Variants in PTGS1 observed in about 807,000 individuals in gnomAD.
PTGS1 encodes prostaglandin G/H synthase 1.
Under a neutral mutation model 63.0 loss-of-function variants are expected in PTGS1, and 40 were observed. The observed-to-expected ratio is 0.63, with a 90% CI of 0.49 to 0.83. The LOEUF (loss-of-function observed/expected upper bound fraction) is 0.83, where lower values mean the gene tolerates loss of function less well. Ranked by LOEUF, PTGS1 falls within the 40% of genes least tolerant of loss-of-function variation. The probability of loss-of-function intolerance (pLI) is 0.00; values close to 1 mark genes in which losing one functional copy is unlikely to be tolerated. For missense variants in PTGS1, 709 were observed against 786.5 expected (o/e 0.90, Z 1.18); for synonymous variants, 298 against 301.9 (o/e 0.99, Z 0.13).
At chr9:122,372,881 G>C (rs7045826) in intron 2 of PTGS1, 1 of 152,166 alleles carries the variant, frequency 6.6e-6, no homozygotes, top group East Asian at 1.9e-4. Context: ...CTGGAGACAC[G>C]GAGCTGGGAG....
chr9:122,389,403 G>A (rs1192956991), intron 9 of PTGS1, among the ~76,000 whole-genome samples: 2 of 151,668 alleles, frequency 1.3e-5, no homozygotes, highest in African/African-American at 4.8e-5. Context: ...CACCCGCCTC[G>A]GCCTCCTAAG....
intron 7 of PTGS1, 115 bp from the exon 8 acceptor site, chr9:122,383,394 T>G: frequency 7.1e-7 from 1 of 1,406,822 alleles, no homozygotes; most frequent in Non-Finnish European, 9.6e-7. Context: ...GGAGGTGGAA[T>G]CAACAGCCTT....
rs915395645 is a variant in PTGS1 at position 122,392,294 on chromosome 9, T to C, written c.1550T>C (p.Phe517Ser). 2.2e-5 allele frequency: 35 copies of C among 1,613,894 alleles called. No individual in the cohort carries two copies. Among genetic ancestry groups the C allele is most frequent in the Non-Finnish European group, 2.9e-5 (34 of 1,179,950 alleles). ...GAAAAGTGCCATCCAAACTCTATCT[T>C]TGGGGAGAGTATGATAGAGATTGGG... ...LLEKCHPNSIFGESMIEIGAP... is the reference protein window; with the variant it reads ...LLEKCHPNSISGESMIEIGAP... Residue 517 changes from phenylalanine to serine, a missense_variant, in exon 11 of 11, where the codon TTT becomes TCT. By Grantham distance (155) the Phe-to-Ser change is radical. Coordinates refer to ENST00000362012, the MANE Select transcript of PTGS1 (RefSeq NM_000962.4).
chr9:122,380,477 AT>A (rs1185172443), intron 5 of PTGS1, among the ~76,000 whole-genome samples: 8 of 142,592 alleles, frequency 5.6e-5, no homozygotes, highest in African/African-American at 2.2e-4. Context: ...AAATAAATAA[AT>A]AAATAAATAA....
chr9:122,391,362 T>TAC (rs1838235940), intron 10 of PTGS1, among the ~76,000 whole-genome samples: 3 of 89,038 alleles, frequency 3.4e-5, no homozygotes, highest in Non-Finnish European at 5.8e-5. Flanking sequence ...TATATACATA[T>TAC]ATATATATAC....
At chr9:122,389,014 G>A (rs1227622974) in intron 9 of PTGS1, among the ~76,000 whole-genome samples, 3 of 151,870 alleles carry the variant, frequency 2.0e-5, no homozygotes, top group Admixed American at 2.0e-4. Flanking sequence ...ACCATCCTCT[G>A]CTTGCTTTGC....
chr9:122,371,983 G>C (rs1474683237), intron 2 of PTGS1: 11 of 642,336 alleles, frequency 1.7e-5, no homozygotes, highest in Non-Finnish European at 3.0e-5. Context: ...GGGTTTCATG[G>C]GGGAGGTTGA....
intron 5 of PTGS1, among the ~76,000 whole-genome samples, chr9:122,380,883 A>C (rs182428979): frequency 1.3e-5 from 2 of 152,362 alleles, no homozygotes; most frequent in East Asian, 3.9e-4. Flanking sequence ...CTGTATTCAC[A>C]CAGCTAGCAA....
At chr9:122,391,096 G>A (rs1024424445) in intron 10 of PTGS1, among the ~76,000 whole-genome samples, 4 of 151,342 alleles carry the variant, frequency 2.6e-5, no homozygotes, top group Non-Finnish European at 4.4e-5. Context: ...ACCCACTTAC[G>A]GGCCAGCTGC....
chr9:122,389,698 T>C lies in PTGS1; in HGVS notation c.1297-500T>C, dbSNP rs186913364. ...TGCCGGATGTGGTGGTTCATGCCTG[T>C]AATCCCGGCAGTTTGGGAGGCTGTG... On this transcript the variant is annotated intron_variant, in intron 9 of 10. Coordinates refer to ENST00000362012, the MANE Select transcript of PTGS1 (RefSeq NM_000962.4). Among the ~76,000 whole-genome samples the C allele has an allele frequency of 3.3e-4, 50 of 152,226 alleles. No individual in the cohort carries two copies. The East Asian group carries it at 9.3e-3, about 28-fold the overall frequency.
At chr9:122,383,818 C>A in intron 8 of PTGS1, 63 bp downstream of exon 8, 2 of 1,569,018 alleles carry the variant, frequency 1.3e-6, no homozygotes, top group Non-Finnish European at 1.7e-6. Context: ...AAGTTGGGGG[C>A]GGGGGGGTAC....
At chr9:122,392,105 G>T (rs569150887) in intron 10 of PTGS1, 84 bp from the exon 11 acceptor site, 1 of 1,195,004 alleles carries the variant, frequency 8.4e-7, no homozygotes, top group Non-Finnish European at 1.2e-6. Flanking sequence ...CCCAGAAAAA[G>T]GTGGACCTGG....
intron 2 of PTGS1, chr9:122,375,276 T>C: frequency 2.0e-6 from 2 of 985,236 alleles, no homozygotes; most frequent in Non-Finnish European, 2.4e-6. Context: ...GCACAGCCTC[T>C]CTTGGCAGGG....
rs1012744798 is a variant in PTGS1, at chr9:122,371,169, A to C, written c.8-17A>C. The C allele has an allele frequency of 1.2e-6, 2 of 1,608,626 alleles. No homozygotes were observed. The highest frequency in any genetic ancestry group is 1.7e-6 in the Non-Finnish European group (2 of 1,179,922). ...CCTTGAATGCCAGGCTCAGCCCCTC[A>C]TCTCTCTCCTCTGCAGGGAGTCTCT... On this transcript the variant is annotated splice_polypyrimidine_tract_variant and intron_variant, in intron 1 of 10. Transcript: ENST00000362012.
At position 122,371,189 on chromosome 9, in the gene PTGS1, G is replaced by C. The variant is rs759503469; in HGVS notation, c.11G>C (p.Ser4Thr). The C allele has an allele frequency of 2.5e-6, 4 of 1,609,122 alleles. No homozygotes were observed. Among genetic ancestry groups the C allele is most frequent in the Non-Finnish European group, 3.4e-6 (4 of 1,179,944 alleles). MSR[S>T]LLLWFLLFLL... Reference sequence around the variant, plus strand: ...CCCTCATCTCTCTCCTCTGCAGGGAGTCTCTTGCTCTGGTTCTTGCTGTTC... The same window carrying C: ...CCCTCATCTCTCTCCTCTGCAGGGACTCTCTTGCTCTGGTTCTTGCTGTTC... Residue 4 changes from serine to threonine, a missense_variant, in exon 2 of 11, where the codon AGT becomes ACT. Transcript: ENST00000362012.
chr9:122,390,372 C>T (rs1838143308), intron 10 of PTGS1, 27 bp downstream of exon 10: 3 of 1,611,028 alleles, frequency 1.9e-6, no homozygotes, highest in South Asian at 2.2e-5. Context: ...TGGATGCAGT[C>T]CCTGCCCTTG....
At chr9:122,376,580 G>A (rs928287985) in intron 2 of PTGS1, among the ~76,000 whole-genome samples, 2 of 152,082 alleles carry the variant, frequency 1.3e-5, no homozygotes, top group African/African-American at 4.8e-5. Flanking sequence ...CAGCTGCTCT[G>A]GCCTTTCACT....
At chr9:122,390,828 C>T (rs1838176979) in intron 10 of PTGS1, among the ~76,000 whole-genome samples, 1 of 152,012 alleles carries the variant, frequency 6.6e-6, no homozygotes, top group Non-Finnish European at 1.5e-5. Context: ...ACCTGGGAGG[C>T]AGAGCTTGCA....
In PTGS1 at chr9:122,392,262, G is replaced by C. The variant is rs989628881; in HGVS notation, c.1518G>C (p.Leu506=). The change falls in exon 11 of 11, where the codon CTG becomes CTC. Residue 506 remains leucine, a synonymous_variant. Coordinates refer to ENST00000362012, the MANE Select transcript of PTGS1 (RefSeq NM_000962.4). ...ATGCGTTGGAGTTCTACCCTGGACT[G>C]CTTCTTGAAAAGTGCCATCCAAACT... ...DIDALEFYPG[L]LLEKCHPNSI... The C allele has an allele frequency of 4.3e-6, 7 of 1,613,336 alleles. No homozygotes were observed. The highest frequency in any genetic ancestry group is 5.9e-6 in the Non-Finnish European group (7 of 1,179,432).
Sources: allele counts gnomAD v4.1 joint callset (sites outside exome capture counted in the v4.1 genomes callset), GRCh38; gene constraint gnomAD v4.1.1; transcripts MANE v1.5; gene names NCBI Gene and HGNC (gene_info 2026-07-23, HGNC 2026-07-21).